SYN2: variants seen among roughly 807,000 people sequenced by gnomAD.
The protein encoded by SYN2 is synapsin II, also known as synapsin-2.
A neutral mutation model predicts 50.9 loss-of-function variants in SYN2; 19 were observed. That is an observed-to-expected ratio of 0.37 (90% CI 0.26 to 0.55). The LOEUF is 0.55. Ranked by LOEUF, SYN2 falls within the 20% of genes least tolerant of loss-of-function variation. The pLI is 0.81. For synonymous variants in SYN2, 255 were observed against 224.9 expected (o/e 1.13, Z -1.20); for missense variants, 587 against 576.4 (o/e 1.02, Z -0.19).
At chr3:12,011,018 C>G (rs899092320) in intron 1 of SYN2, among the ~76,000 whole-genome samples, 1 of 152,140 alleles carries the variant, frequency 6.6e-6, no homozygotes, top group African/African-American at 2.4e-5. Flanking sequence ...GAAGTTCTTA[C>G]AAGATTTACA....
chr3:12,152,615 C>G (rs1036378721), intron 5 of SYN2, among the ~76,000 whole-genome samples: 1 of 152,264 alleles, frequency 6.6e-6, no homozygotes, highest in East Asian at 1.9e-4. Context: ...TATTTCTCTC[C>G]GGTGCTCTAT....
intron 10 of SYN2, among the ~76,000 whole-genome samples, chr3:12,180,601 C>A (rs748999923): frequency 2.6e-5 from 4 of 152,200 alleles, no homozygotes; most frequent in Admixed American, 6.5e-5. Context: ...AAGGGACAGT[C>A]CTTGGGAATT....
intron 4 of SYN2, among the ~76,000 whole-genome samples, chr3:12,146,809 A>C (rs1697160055): frequency 6.6e-6 from 1 of 152,134 alleles, no homozygotes; most frequent in Non-Finnish European, 1.5e-5. Flanking sequence ...CCGACCACTG[A>C]GGGGACCCAG....
At chr3:12,091,583 A>T (rs1695829463) in intron 1 of SYN2, among the ~76,000 whole-genome samples, 1 of 152,200 alleles carries the variant, frequency 6.6e-6, no homozygotes, top group Admixed American at 6.5e-5. Flanking sequence ...AAGAGCTAGG[A>T]TTTGAAGCCA....
intron 1 of SYN2, among the ~76,000 whole-genome samples, chr3:12,026,224 A>T (rs1213185513): frequency 6.6e-6 from 1 of 152,114 alleles, no homozygotes; most frequent in Admixed American, 6.5e-5. Flanking sequence ...GGTTTCATTT[A>T]TTGAATATGC....
chr3:12,190,565 A>G lies in SYN2; in HGVS notation c.1689A>G (p.Glu563=), dbSNP rs547699585. The G allele has an allele frequency of 9.9e-6, 16 of 1,613,334 alleles. No homozygotes were observed. In the East Asian group the frequency reaches 1.3e-4, roughly 13 times the overall value. The change falls in exon 13 of 13, where the codon GAA becomes GAG. Residue 563 remains glutamate (E), a synonymous_variant. Transcript: ENST00000621198. ...SFFRSSANED[E]AKAETIRSLR... is the part of the protein sequence containing the mutation. Reference sequence around the variant, plus strand: ...TCCGGTCTTCAGCCAATGAGGATGAAGCCAAAGCAGAGACCATCCGGAGCT... The same window carrying G: ...TCCGGTCTTCAGCCAATGAGGATGAGGCCAAAGCAGAGACCATCCGGAGCT...
chr3:12,118,800 A>G (rs1490202996), intron 1 of SYN2, among the ~76,000 whole-genome samples: 5 of 152,224 alleles, frequency 3.3e-5, no homozygotes, highest in Non-Finnish European at 7.3e-5. Flanking sequence ...CAAATGTGAA[A>G]TTTTAAGTTT....
Position 12,059,741 on chromosome 3 carries a change from G to A in SYN2, c.377+54813G>A, listed in dbSNP as rs559974198. 3.9e-5 allele frequency among the ~76,000 whole-genome samples: 6 copies of A among 152,130 alleles called. No individual in the cohort carries two copies. The East Asian group carries it at 1.2e-3, about 29-fold the overall frequency. ...CTTATTTACTTCTCAGGGCTAGCTA[G>A]GCGCCTGGAATTTTTCTTGAAGGAA... On this transcript the variant is annotated intron_variant, in intron 1 of 12. Coordinates refer to ENST00000621198, the MANE Select transcript of SYN2 (RefSeq NM_133625.6).
chr3:12,186,233 G>A (rs1174554181), intron 11 of SYN2, among the ~76,000 whole-genome samples: 2 of 152,162 alleles, frequency 1.3e-5, no homozygotes, highest in African/African-American at 4.8e-5. Context: ...TGGGATTGAG[G>A]CTGAGAGACT....
chr3:12,169,890 C>A lies in SYN2; in HGVS notation c.1292C>A (p.Thr431Lys), dbSNP rs941981330. ...TPALSPQRPL[T>K]TQQPQSGTLK... is the part of the protein sequence containing the mutation. ...GCCCTGTCTCCTCAGAGACCCCTAACAACCCAGCAGCCACAGGTAAGCAGC... is the reference window on the plus strand; with the variant it reads ...GCCCTGTCTCCTCAGAGACCCCTAAAAACCCAGCAGCCACAGGTAAGCAGC... Residue 431 changes from threonine (T) to lysine (K), a missense_variant, in exon 10 of 13, where the codon ACA (threonine) becomes AAA (lysine). By Grantham distance (78) the Thr-to-Lys change is moderately conservative. Transcript: ENST00000621198. The A allele has an allele frequency of 6.8e-6, 11 of 1,610,088 alleles. No homozygotes were observed. The highest frequency in any genetic ancestry group is 8.5e-6 in the Non-Finnish European group (10 of 1,178,244).
chr3:12,182,260 G>T (rs1054176556), intron 10 of SYN2, among the ~76,000 whole-genome samples: 15 of 152,184 alleles, frequency 9.9e-5, no homozygotes, highest in African/African-American at 3.6e-4. Context: ...ATCAAGAGGG[G>T]AGAGGAGCAC....
chr3:12,120,561 C>T (rs1350350386), intron 1 of SYN2, among the ~76,000 whole-genome samples: 1 of 152,218 alleles, frequency 6.6e-6, no homozygotes, highest in African/African-American at 2.4e-5. Context: ...CTTAGCCAGT[C>T]TGGCTGTGTC....
intron 2 of SYN2, among the ~76,000 whole-genome samples, chr3:12,141,198 A>ATT (rs10715385): frequency 4.8e-5 from 7 of 145,196 alleles, no homozygotes; most frequent in African/African-American, 1.3e-4. Context: ...TGAAAGTCCA[A>ATT]TTTTTTTTTT....
At chr3:12,173,332 G>A (rs757878623) in intron 10 of SYN2, among the ~76,000 whole-genome samples, 19 of 152,132 alleles carry the variant, frequency 1.2e-4, no homozygotes, top group Non-Finnish European at 1.9e-4. Context: ...CCAGGACTAT[G>A]GAGCTGTCAA....
chr3:12,182,441 A>G (rs1698243024), intron 10 of SYN2, among the ~76,000 whole-genome samples: 2 of 152,210 alleles, frequency 1.3e-5, no homozygotes. Flanking sequence ...TAATACAAGC[A>G]TTAGACAAAC....
chr3:12,063,796 T>C (rs1270070884), intron 1 of SYN2, among the ~76,000 whole-genome samples: 1 of 151,892 alleles, frequency 6.6e-6, no homozygotes, highest in African/African-American at 2.4e-5. Context: ...TCCAAAATAA[T>C]AAATATCCAT....
intron 1 of SYN2, among the ~76,000 whole-genome samples, chr3:12,010,043 C>T (rs1037223840): frequency 8.6e-5 from 13 of 151,960 alleles, no homozygotes; most frequent in East Asian, 1.9e-4. Context: ...TATGGTGAGC[C>T]GAGATCGCAC....
intron 1 of SYN2, among the ~76,000 whole-genome samples, chr3:12,054,666 C>CTTT (rs34636626): frequency 1.3e-3 from 190 of 141,232 alleles, no homozygotes; most frequent in African/African-American, 4.5e-3. Context: ...CATCCTGGGA[C>CTTT]TTTTTTTTTT....
Position 12,187,402 on chromosome 3 carries a change from C to G in SYN2, c.1403C>G (p.Pro468Arg), listed in dbSNP as rs1290205307. ...GGGCAACCCCAAGGAATGCAGCCCC[C>G]AGGCAAGGTGCTGCCTCCACGCCGG... is the stretch of plus-strand genomic sequence containing the variant. Reference protein sequence around the residue: ...GPGQPQGMQPPGKVLPPRRLP... With the variant: ...GPGQPQGMQPRGKVLPPRRLP... The change falls in exon 12 of 13, where the codon CCA becomes CGA. Residue 468 changes from proline to arginine, a missense_variant. Physicochemically the swap from Pro to Arg is moderately radical, Grantham distance 103. Coordinates refer to ENST00000621198, the MANE Select transcript of SYN2 (RefSeq NM_133625.6). 1.3e-6 allele frequency: 2 copies of G among 1,550,346 alleles called. No homozygotes were observed. The highest frequency in any genetic ancestry group is 2.4e-5 in the South Asian group (2 of 84,008).
Sources: gnomAD v4.1 joint callset for allele counts (sites outside exome capture counted in the v4.1 genomes callset) on GRCh38, gnomAD v4.1.1 for gene constraint, MANE v1.5 for transcripts, NCBI Gene and HGNC (gene_info 2026-07-23, HGNC 2026-07-21) for gene names.